The following STAC variants were observed in gnomAD, a reference collection of about 807,000 sequenced individuals.
STAC encodes the protein SH3 and cysteine rich domain, also known as SH3 and cysteine-rich domain-containing protein.
A neutral mutation model predicts 48.8 loss-of-function variants in STAC; 43 were observed. The ratio of observed to expected loss-of-function variants is 0.88; its 90% CI spans 0.69 to 1.14. STAC has a LOEUF of 1.14. STAC is among the 50% of genes most tolerant of loss of function. The pLI is 0.00. For missense variants in STAC, 497 were observed against 504.0 expected (o/e 0.99, Z 0.13); for synonymous variants, 193 against 179.5 (o/e 1.07, Z -0.60).
intron 2 of STAC, among the ~76,000 whole-genome samples, chr3:36,470,234 G>A (rs1360632607): frequency 6.6e-6 from 1 of 152,230 alleles, no homozygotes; most frequent in African/African-American, 2.4e-5. Flanking sequence ...GGGCTGCTGT[G>A]AGATTCTTTT....
intron 2 of STAC, among the ~76,000 whole-genome samples, chr3:36,472,651 G>T (rs1326305239): frequency 6.6e-6 from 1 of 152,134 alleles, no homozygotes; most frequent in Non-Finnish European, 1.5e-5. Context: ...GATCTCTAGG[G>T]CAGGGGCAAA....
At chr3:36,463,421 T>A (rs1697074034) in intron 2 of STAC, among the ~76,000 whole-genome samples, 1 of 152,000 alleles carries the variant, frequency 6.6e-6, no homozygotes, top group African/African-American at 2.4e-5. Context: ...CTAAAATCCA[T>A]CCAAAATCCT....
At chr3:36,414,888 C>G (rs185226139) in intron 1 of STAC, among the ~76,000 whole-genome samples, 2,742 of 152,288 alleles carry the variant, frequency 0.018, 49 homozygotes, top group Non-Finnish European at 0.025. Flanking sequence ...CCTTTTAACA[C>G]TCAGGACCCT....
chr3:36,397,535 CA>C (rs1003627075), intron 1 of STAC, among the ~76,000 whole-genome samples: 3 of 151,522 alleles, frequency 2.0e-5, no homozygotes, highest in Admixed American at 1.3e-4. Context: ...TGCATGAGAC[CA>C]AAAAAATAGC....
chr3:36,449,186 G>A (rs1245832445), intron 2 of STAC, among the ~76,000 whole-genome samples: 2 of 152,060 alleles, frequency 1.3e-5, no homozygotes, highest in African/African-American at 4.8e-5. Context: ...TATGTGCTTG[G>A]AAAATGCTGT....
At chr3:36,490,702 T>C (rs753170877) in intron 5 of STAC, among the ~76,000 whole-genome samples, 15 of 152,106 alleles carry the variant, frequency 9.9e-5, no homozygotes, top group Non-Finnish European at 1.6e-4. Flanking sequence ...TTGGAAACAT[T>C]CCATAGTAGG....
intron 1 of STAC, among the ~76,000 whole-genome samples, chr3:36,433,670 CTT>C (rs1261880335): frequency 6.6e-6 from 1 of 152,112 alleles, no homozygotes; most frequent in African/African-American, 2.4e-5. Flanking sequence ...TATTTAAAGT[CTT>C]TTGTATTTTC....
chr3:36,440,470 T>C (rs918443530), intron 1 of STAC, among the ~76,000 whole-genome samples: 3 of 152,182 alleles, frequency 2.0e-5, no homozygotes, highest in Non-Finnish European at 4.4e-5. Context: ...TGGCAGGGAA[T>C]TGACTGGACC....
chr3:36,468,371 G>A (rs1697233278), intron 2 of STAC, among the ~76,000 whole-genome samples: 1 of 152,012 alleles, frequency 6.6e-6, no homozygotes, highest in Admixed American at 6.6e-5. Context: ...TGTATATTCT[G>A]TAGTTGTTGG....
intron 3 of STAC, 36 bp downstream of exon 3, chr3:36,483,128 T>G: frequency 6.7e-7 from 1 of 1,487,390 alleles, no homozygotes; most frequent in Non-Finnish European, 9.4e-7. Context: ...CCCACACCTC[T>G]CTGCTAGGGC....
chr3:36,528,744 GA>G lies in STAC; in HGVS notation c.972del (p.Ile327PhefsTer38), dbSNP rs1427631298. 1 of 1,606,072 alleles carries G rather than the reference GA, an allele frequency of 6.2e-7. No individual in the cohort carries two copies. The highest frequency in any genetic ancestry group is 8.5e-7 in the Non-Finnish European group (1 of 1,176,744). On this transcript the variant is annotated frameshift_variant and splice_region_variant, in exon 9 of 11. Coordinates refer to ENST00000273183, the MANE Select transcript of STAC (RefSeq NM_003149.3). LOFTEE classifies it high-confidence loss of function. ...LLEDSNEDWW[K>X]GKIQDRIGFF... ...TAGAGGATTCCAATGAAGACTGGTG[GA>G]AAGTAAGTGTTCCTCTTTCTTTAAA...
In STAC at chr3:36,528,645, GTTAT is replaced by G. The variant is rs748104575; in HGVS notation, c.921-48_921-45del. The G allele has an allele frequency of 2.1e-6, 3 of 1,435,430 alleles. No homozygotes were observed. The Admixed American group carries it at 6.7e-5, about 32-fold the overall frequency. The allele number at this position is 1,435,430 out of a possible 1,614,324, so 88.9% of individuals were successfully genotyped here. On this transcript the variant is annotated intron_variant, in intron 8 of 10. Transcript: ENST00000273183. ...ATGATTACTCCTGACTTTAAAGTAT[GTTAT>G]TTTTCTTTTTTTTTCCTTTACCTAA...
intron 8 of STAC, among the ~76,000 whole-genome samples, chr3:36,507,278 C>T (rs1161591427): frequency 7.9e-5 from 12 of 152,114 alleles, no homozygotes; most frequent in Non-Finnish European, 1.5e-4. Flanking sequence ...CTGACTTGAT[C>T]GAGGTGGATA....
intron 2 of STAC, among the ~76,000 whole-genome samples, chr3:36,457,984 C>T (rs956956956): frequency 4.6e-5 from 7 of 152,146 alleles, no homozygotes; most frequent in Non-Finnish European, 8.8e-5. Flanking sequence ...GAAAGATCAA[C>T]AGAGGCATTT....
intron 8 of STAC, among the ~76,000 whole-genome samples, chr3:36,513,053 G>T (rs1047614727): frequency 6.6e-6 from 1 of 152,130 alleles, no homozygotes; most frequent in African/African-American, 2.4e-5. Context: ...GGGAGTGAGG[G>T]TACAGGAAAT....
At chr3:36,392,275 A>T (rs963628062) in intron 1 of STAC, among the ~76,000 whole-genome samples, 1 of 152,034 alleles carries the variant, frequency 6.6e-6, no homozygotes, top group Non-Finnish European at 1.5e-5. Flanking sequence ...TTTTAGCAAA[A>T]TCTTCTTTAT....
At chr3:36,542,947 G>A (rs1301839252) in intron 10 of STAC, among the ~76,000 whole-genome samples, 2 of 152,156 alleles carry the variant, frequency 1.3e-5, no homozygotes, top group Admixed American at 6.5e-5. Context: ...AATAAGGAAA[G>A]CAGGAAATTG....
At chr3:36,496,228 A>G (rs1698149658) in intron 6 of STAC, among the ~76,000 whole-genome samples, 1 of 152,240 alleles carries the variant, frequency 6.6e-6, no homozygotes, top group African/African-American at 2.4e-5. Context: ...TCTACAATGC[A>G]CCCTGAGAAG....
chr3:36,526,029 G>A (rs1156345), intron 8 of STAC, among the ~76,000 whole-genome samples: 7 of 152,232 alleles, frequency 4.6e-5, no homozygotes, highest in South Asian at 2.1e-4. Flanking sequence ...AAACAAGAAC[G>A]CATGCTAAGA....
Sources: allele counts gnomAD v4.1 joint callset (sites outside exome capture counted in the v4.1 genomes callset), GRCh38; gene constraint gnomAD v4.1.1; transcripts MANE v1.5; gene names NCBI Gene and HGNC (gene_info 2026-07-23, HGNC 2026-07-21).